The following SIPA1L3 variants were observed in gnomAD, a reference collection of about 807,000 sequenced individuals.
SIPA1L3 encodes signal-induced proliferation-associated 1-like protein 3.
In SIPA1L3, 59 loss-of-function variants were observed where a neutral mutation model predicts 150.1. The ratio of observed to expected loss-of-function variants is 0.39; its 90% CI spans 0.32 to 0.49. SIPA1L3 has a LOEUF of 0.49. Among genes scored for constraint, SIPA1L3 ranks in the 20% least tolerant of loss-of-function variants. The pLI, the probability that SIPA1L3 is intolerant of heterozygous loss-of-function variation, is 0.86. For synonymous variants in SIPA1L3, 1,070 were observed against 1,077.6 expected, an observed-to-expected ratio of 0.99 and a Z score of 0.14; for missense variants, 2,211 against 2,489.5, an observed-to-expected ratio of 0.89 and a Z score of 2.38.
chr19:37,947,985 G>A (rs1196765837), intron 1 of SIPA1L3, among the ~76,000 whole-genome samples: 5 of 152,184 alleles, frequency 3.3e-5, no homozygotes, highest in South Asian at 2.1e-4. Context: ...AGGCGTGGAC[G>A]TCTCAGATGT....
chr19:38,105,301 G>A (rs1016060470), intron 6 of SIPA1L3, among the ~76,000 whole-genome samples: 1 of 151,756 alleles, frequency 6.6e-6, no homozygotes, highest in Non-Finnish European at 1.5e-5. Context: ...GGAGGCAGAG[G>A]TTGCAGAGAG....
rs568864066 is a variant in SIPA1L3 at position 38,152,856 on chromosome 19, C to T, written c.3550C>T (p.His1184Tyr). The change falls in exon 13 of 22, where the codon CAC (histidine) becomes TAC (tyrosine). Residue 1184 changes from histidine to tyrosine, a missense_variant. Around this residue, in one of 5 missense-constraint regions of SIPA1L3, gnomAD observed 806 missense variants for 870.1 expected, o/e 0.93. Coordinates refer to ENST00000222345, the MANE Select transcript of SIPA1L3 (RefSeq NM_015073.3). The part of the protein sequence containing the change: ...PSPERYTAAP[H>Y]PLLSLDPHFS... ...CCCCTGCAGGTACACGGCTGCCCCA[C>T]ACCCCCTGCTATCTCTTGATCCCCA... 4.3e-6 allele frequency: 7 copies of T among 1,612,396 alleles called. No homozygotes were observed. In the Admixed American group the frequency reaches 1.2e-4, roughly 27 times the overall value.
At chr19:38,065,460 G>T (rs1247983067) in intron 2 of SIPA1L3, among the ~76,000 whole-genome samples, 1 of 149,868 alleles carries the variant, frequency 6.7e-6, no homozygotes, top group Non-Finnish European at 1.5e-5. Context: ...TTATTGCCCA[G>T]GCTGGAGTAC....
chr19:38,107,140 A>C (rs1970640282), intron 7 of SIPA1L3, among the ~76,000 whole-genome samples: 1 of 152,186 alleles, frequency 6.6e-6, no homozygotes, highest in Non-Finnish European at 1.5e-5. Context: ...GTGCAAAGCA[A>C]AGATACCTCC....
At chr19:38,048,315 G>A (rs1345755416) in intron 2 of SIPA1L3, among the ~76,000 whole-genome samples, 1 of 152,198 alleles carries the variant, frequency 6.6e-6, no homozygotes, top group Non-Finnish European at 1.5e-5. Context: ...GCTCAAGCAT[G>A]TCTGTCAGGG....
Position 38,083,068 on chromosome 19 carries a change from C to G in SIPA1L3, c.1503C>G (p.Ala501=). The part of the protein sequence containing the change: ...QYSIEHVDLG[A]RYYQDYFVGK... ...GCATCGAGCATGTGGACCTGGGCGC[C>G]CGCTACTACCAGGATTACTTCGTGG... Residue 501 remains alanine (A), a synonymous_variant, in exon 3 of 22, where the codon GCC becomes GCG. Transcript: ENST00000222345. 1 of 1,611,992 alleles carries G rather than the reference C, an allele frequency of 6.2e-7. No individual in the cohort carries two copies. Among genetic ancestry groups the G allele is most frequent in the Non-Finnish European group, 8.5e-7 (1 of 1,179,906 alleles).
At chr19:38,171,385 C>CT (rs1055077464) in intron 15 of SIPA1L3, among the ~76,000 whole-genome samples, 24,684 of 78,096 alleles carry the variant, frequency 0.32, 4,818 homozygotes, top group Non-Finnish European at 0.41. Context: ...CCTACCAAAA[C>CT]TTTTTTTTTT....
intron 1 of SIPA1L3, among the ~76,000 whole-genome samples, chr19:37,969,045 C>T (rs984122045): frequency 3.9e-5 from 6 of 152,154 alleles, no homozygotes; most frequent in African/African-American, 1.4e-4. Context: ...ATCAGTTACT[C>T]TCTAATATGC....
intron 1 of SIPA1L3, among the ~76,000 whole-genome samples, chr19:37,981,466 C>T (rs1422240928): frequency 6.6e-6 from 1 of 151,354 alleles, no homozygotes; most frequent in Non-Finnish European, 1.5e-5. Flanking sequence ...CACCTGAGTT[C>T]TAATACCTGC....
At chr19:37,908,354 A>G (rs747955226) in intron 1 of SIPA1L3, among the ~76,000 whole-genome samples, 4 of 152,196 alleles carry the variant, frequency 2.6e-5, no homozygotes, top group Non-Finnish European at 5.9e-5. Flanking sequence ...TCTCTCACTA[A>G]GTAGCAGCTC....
chr19:38,145,534 CA>C (rs35073920), intron 12 of SIPA1L3, among the ~76,000 whole-genome samples: 45,885 of 94,342 alleles, frequency 0.49, 8,080 homozygotes, highest in East Asian at 0.64. Flanking sequence ...AACTCCGTCT[CA>C]AAAAAAAAAA....
At position 38,082,826 on chromosome 19, in the gene SIPA1L3, A is replaced by G. The variant is rs757546129; in HGVS notation, c.1261A>G (p.Asn421Asp). Residue 421 changes from asparagine (N) to aspartate (D), a missense_variant, in exon 3 of 22, where the codon AAC (asparagine) becomes GAC (aspartate). Around this residue, in one of 5 missense-constraint regions of SIPA1L3, gnomAD observed 587 missense variants for 534.5 expected, o/e 1.10. Transcript: ENST00000222345. ...GCAGGACCTCGGCGATGACAACAGC[A>G]ACGACCTGCTGCTCAGCTGCCCGCA... Reference protein sequence around the residue: ...LEQDLGDDNSNDLLLSCPHFR... With the variant: ...LEQDLGDDNSDDLLLSCPHFR... 1 of 1,613,678 alleles carries G rather than the reference A, an allele frequency of 6.2e-7. No individual in the cohort carries two copies.
chr19:38,197,868 C>G (rs1600204732), intron 18 of SIPA1L3, among the ~76,000 whole-genome samples: 1 of 141,678 alleles, frequency 7.1e-6, no homozygotes, highest in African/African-American at 3.0e-5. Flanking sequence ...CTGTCTCCCC[C>G]CAAATCCCCC....
At chr19:38,158,613 C>T (rs1318736048) in intron 13 of SIPA1L3, among the ~76,000 whole-genome samples, 2 of 152,188 alleles carry the variant, frequency 1.3e-5, no homozygotes, top group East Asian at 3.8e-4. Flanking sequence ...GGGGTGGGAG[C>T]AGGACCAGGT....
intron 12 of SIPA1L3, among the ~76,000 whole-genome samples, chr19:38,148,243 C>T (rs534423491): frequency 8.0e-5 from 12 of 150,438 alleles, no homozygotes; most frequent in South Asian, 4.2e-4. Flanking sequence ...CCCAGCTACT[C>T]GGGAGGCTGA....
In SIPA1L3 at chr19:38,119,796, A is replaced by G. The variant is rs761250951; in HGVS notation, c.2782A>G (p.Ile928Val). 6.2e-6 allele frequency: 10 copies of G among 1,613,858 alleles called. No individual in the cohort carries two copies. The highest frequency in any genetic ancestry group is 5.9e-6 in the Non-Finnish European group (7 of 1,180,022). Residue 928 changes from isoleucine (I) to valine (V), a missense_variant, in exon 9 of 22, where the codon ATC (isoleucine) becomes GTC (valine). Physicochemically the swap from Ile to Val is conservative, Grantham distance 29. Transcript: ENST00000222345. Reference protein sequence around the residue: ...GWTPDSSTLKIFYGRGDHIFL... With the variant: ...GWTPDSSTLKVFYGRGDHIFL... Reference sequence around the variant, plus strand: ...GACTCCAGACTCCTCCACACTCAAAATCTTCTATGGACGAGGAGACCACAT... The same window carrying G: ...GACTCCAGACTCCTCCACACTCAAAGTCTTCTATGGACGAGGAGACCACAT...
intron 18 of SIPA1L3, among the ~76,000 whole-genome samples, chr19:38,196,358 A>T (rs1313185881): frequency 6.6e-6 from 1 of 151,984 alleles, no homozygotes; most frequent in Non-Finnish European, 1.5e-5. Flanking sequence ...TCAAGGGTGG[A>T]GCAAGGAGGC....
chr19:38,130,899 T>C, intron 10 of SIPA1L3, 127 bp downstream of exon 10: 2 of 1,020,922 alleles, frequency 2.0e-6, no homozygotes, highest in Non-Finnish European at 2.8e-6. Context: ...TAGGCAGGAA[T>C]AGTGGCAACA....
intron 12 of SIPA1L3, among the ~76,000 whole-genome samples, chr19:38,144,889 G>A (rs1292762587): frequency 6.6e-6 from 1 of 152,180 alleles, no homozygotes; most frequent in African/African-American, 2.4e-5. Flanking sequence ...ACAGAAGTTT[G>A]AGGGACTAAT....
Sources: allele counts gnomAD v4.1 joint callset (sites outside exome capture counted in the v4.1 genomes callset), GRCh38; gene constraint gnomAD v4.1.1; regional missense constraint gnomAD v4.1.1; transcripts MANE v1.5; gene names NCBI Gene and HGNC (gene_info 2026-07-23, HGNC 2026-07-21).